Variants in SHROOM3 observed in about 807,000 individuals in gnomAD.
SHROOM3 encodes protein Shroom3.
SHROOM3 carries 47 observed loss-of-function variants against 138.6 expected under a neutral mutation model. The ratio of observed to expected loss-of-function variants is 0.34; its 90% confidence interval spans 0.27 to 0.43. The LOEUF is 0.43. SHROOM3 is among the 20% of genes least tolerant of loss of function. The pLI is 1.00. For synonymous variants in SHROOM3, 1,062 were observed against 1,063.3 expected (o/e 1.00, Z 0.02); for missense variants, 2,491 against 2,596.5 (o/e 0.96, Z 0.88).
chr4:76,490,366 T>A (rs1306138059), intron 1 of SHROOM3, among the ~76,000 whole-genome samples: 1 of 152,170 alleles, frequency 6.6e-6, no homozygotes, highest in Non-Finnish European at 1.5e-5. Context: ...CCATCTGACA[T>A]GCAGAAAAGG....
At chr4:76,712,278 G>A (rs1720251426) in intron 3 of SHROOM3, among the ~76,000 whole-genome samples, 1 of 152,086 alleles carries the variant, frequency 6.6e-6, no homozygotes, top group Admixed American at 6.6e-5. Context: ...GCAGATGAGG[G>A]TAGGATAAAG....
At chr4:76,572,563 T>C (rs1351148384) in intron 2 of SHROOM3, among the ~76,000 whole-genome samples, 1 of 152,212 alleles carries the variant, frequency 6.6e-6, no homozygotes, top group Non-Finnish European at 1.5e-5. Context: ...TAATAGTATA[T>C]ACAGTTTAAA....
intron 2 of SHROOM3, among the ~76,000 whole-genome samples, chr4:76,612,755 A>G (rs1039563375): frequency 1.3e-5 from 2 of 152,152 alleles, no homozygotes; most frequent in African/African-American, 2.4e-5. Flanking sequence ...CTTGGGCAAC[A>G]TAGCAAGACT....
intron 2 of SHROOM3, among the ~76,000 whole-genome samples, chr4:76,558,287 G>A (rs1032766651): frequency 2.6e-5 from 4 of 152,184 alleles, no homozygotes; most frequent in Admixed American, 2.6e-4. Context: ...TTTGCAAATT[G>A]TGTGACTTTG....
At chr4:76,470,799 C>T (rs538651960) in intron 1 of SHROOM3, among the ~76,000 whole-genome samples, 1 of 152,266 alleles carries the variant, frequency 6.6e-6, no homozygotes, top group African/African-American at 2.4e-5. Flanking sequence ...AGAGTATTAC[C>T]ACCAAGCCAA....
At chr4:76,616,286 G>A (rs961010424) in intron 2 of SHROOM3, among the ~76,000 whole-genome samples, 1 of 151,952 alleles carries the variant, frequency 6.6e-6, no homozygotes, top group African/African-American at 2.4e-5. Context: ...CCTGCCTCCT[G>A]GATCATAAAT....
rs200718300 is a variant in SHROOM3, at chr4:76,754,699, G to A, written c.4216G>A (p.Asp1406Asn). 45 of 1,614,068 alleles carry A rather than the reference G, an allele frequency of 2.8e-5. No homozygotes were observed. In the South Asian group the frequency reaches 3.8e-4, roughly 14 times the overall value. ...QPPGPRGCEGDGPEHGVEEGT... is the reference protein window; with the variant it reads ...QPPGPRGCEGNGPEHGVEEGT... ...TCCCGGTCCAAGAGGCTGTGAGGGC[G>A]ATGGCCCAGAGCATGGGGTAGAAGA... The change falls in exon 7 of 11, where the codon GAT becomes AAT. Residue 1406 changes from aspartate (D) to asparagine (N), a missense_variant. Asp to Asn is a conservative substitution (Grantham distance 23). Transcript: ENST00000296043.
At chr4:76,438,726 G>A (rs1276639764) in intron 1 of SHROOM3, among the ~76,000 whole-genome samples, 1 of 150,622 alleles carries the variant, frequency 6.6e-6, no homozygotes, top group Non-Finnish European at 1.5e-5. Flanking sequence ...AAGTCTGTGA[G>A]CCTTTTTAGG....
rs142735873 is a variant in SHROOM3 at position 76,436,120 on chromosome 4, G to A, written c.68G>A (p.Gly23Glu). 35 of 1,614,076 alleles carry A rather than the reference G, an allele frequency of 2.2e-5. No individual in the cohort carries two copies. In the African/African-American group the frequency reaches 4.7e-4, roughly 22 times the overall value. Residue 23 changes from glycine to glutamate, a missense_variant, in exon 1 of 11, where the codon GGA becomes GAA. By Grantham distance (98) the Gly-to-Glu change is moderately conservative. Around this residue, in one of 4 missense-constraint regions of SHROOM3, gnomAD observed 284 missense variants for 322.8 expected, o/e 0.88. Coordinates refer to ENST00000296043, the MANE Select transcript of SHROOM3 (RefSeq NM_020859.4). ...ATLNSNTATK[G>E]RYIYLEAFLE... ...TTAAACTCTAACACGGCCACCAAGGGAAGGTACATTTATCTGGAGGCATTC... is the reference window on the plus strand; with the variant it reads ...TTAAACTCTAACACGGCCACCAAGGAAAGGTACATTTATCTGGAGGCATTC...
chr4:76,541,625 GCACACACA>G (rs149127524), intron 1 of SHROOM3, among the ~76,000 whole-genome samples: 2 of 148,558 alleles, frequency 1.3e-5, no homozygotes, highest in Non-Finnish European at 3.0e-5. Flanking sequence ...ATATGTGGGC[GCACACACA>G]CACACACACA....
intron 1 of SHROOM3, among the ~76,000 whole-genome samples, chr4:76,534,380 A>G (rs1339407084): frequency 2.0e-5 from 3 of 152,178 alleles, no homozygotes; most frequent in Non-Finnish European, 4.4e-5. Context: ...ACAGCCTACT[A>G]TGTGGCGGAT....
At chr4:76,465,333 GT>G (rs1461665556) in intron 1 of SHROOM3, among the ~76,000 whole-genome samples, 1 of 152,234 alleles carries the variant, frequency 6.6e-6, no homozygotes, top group East Asian at 1.9e-4. Flanking sequence ...GTTTCCAGCT[GT>G]TACACCTTTG....
At chr4:76,549,437 T>C (rs9998347) in intron 1 of SHROOM3, among the ~76,000 whole-genome samples, 58,113 of 151,432 alleles carry the variant, frequency 0.38, 11,176 homozygotes, top group East Asian at 0.41. Context: ...GGAGCGATCT[T>C]GGCTCACTGC....
Position 76,739,487 on chromosome 4 carries a change from G to C in SHROOM3, c.1314G>C (p.Lys438Asn). The change falls in exon 5 of 11, where the codon AAG (lysine) becomes AAC (asparagine). Residue 438 changes from lysine (K) to asparagine (N), a missense_variant. Lys to Asn is a moderately conservative substitution (Grantham distance 94, BLOSUM62 0). This residue lies in a region of SHROOM3 where 1,733 missense variants were observed against 1,661.6 expected (regional missense o/e 1.04). Transcript: ENST00000296043. ...IEEQLHTVLE[K>N]SPENSPPVKP... Reference sequence around the variant, plus strand: ...AGCAGCTGCATACTGTGCTGGAGAAGAGTCCAGAGAACAGCCCCCCAGTGA... The same window carrying C: ...AGCAGCTGCATACTGTGCTGGAGAACAGTCCAGAGAACAGCCCCCCAGTGA... 1 of 1,614,182 alleles carries C rather than the reference G, an allele frequency of 6.2e-7. No individual in the cohort carries two copies. The highest frequency in any genetic ancestry group is 8.5e-7 in the Non-Finnish European group (1 of 1,180,014).
At chr4:76,516,831 G>GA (rs1291744043) in intron 1 of SHROOM3, among the ~76,000 whole-genome samples, 3 of 152,128 alleles carry the variant, frequency 2.0e-5, no homozygotes, top group African/African-American at 4.8e-5. Flanking sequence ...GGAAATCTGT[G>GA]AAAAAGTTTT....
In SHROOM3 at chr4:76,581,205, T is replaced by C. The variant is rs544126316; in HGVS notation, c.323+25442T>C. Among the ~76,000 whole-genome samples, 12 of 152,312 alleles carry C rather than the reference T, an allele frequency of 7.9e-5. No individual in the cohort carries two copies. In the East Asian group the frequency reaches 2.3e-3, roughly 29 times the overall value. On this transcript the variant is annotated intron_variant, in intron 2 of 10. Coordinates refer to ENST00000296043, the MANE Select transcript of SHROOM3 (RefSeq NM_020859.4). ...GGATGTTGGGACTTTGAAGGGATGA[T>C]TGAGTTCAATGCCTTTAATTGCTAC... is the stretch of plus-strand genomic sequence containing the variant.
At chr4:76,560,068 G>A (rs1320411802) in intron 2 of SHROOM3, among the ~76,000 whole-genome samples, 1 of 152,192 alleles carries the variant, frequency 6.6e-6, no homozygotes, top group Admixed American at 6.5e-5. Flanking sequence ...AACCCTTGTG[G>A]AATGCAAGGA....
At chr4:76,452,293 T>C (rs1035838444) in intron 1 of SHROOM3, among the ~76,000 whole-genome samples, 3 of 152,226 alleles carry the variant, frequency 2.0e-5, no homozygotes, top group Non-Finnish European at 4.4e-5. Flanking sequence ...ACATTCACAT[T>C]GTGTGCACTT....
intron 3 of SHROOM3, among the ~76,000 whole-genome samples, chr4:76,719,576 G>A (rs1435699732): frequency 6.6e-6 from 1 of 152,178 alleles, no homozygotes; most frequent in Non-Finnish European, 1.5e-5. Flanking sequence ...TGCAGATGTT[G>A]ACATGTAGGA....
Sources: allele counts gnomAD v4.1 joint callset (sites outside exome capture counted in the v4.1 genomes callset), GRCh38; gene constraint gnomAD v4.1.1; regional missense constraint gnomAD v4.1.1; transcripts MANE v1.5; gene names NCBI Gene and HGNC (gene_info 2026-07-23, HGNC 2026-07-21).